Variants in RUNX1 observed in about 807,000 individuals in gnomAD.
The protein encoded by RUNX1 is RUNX family transcription factor 1, also known as runt-related transcription factor 1.
Under a neutral mutation model 42.8 loss-of-function variants are expected in RUNX1, and 19 were observed. That is an observed-to-expected ratio of 0.44 (90% confidence interval 0.31 to 0.65). RUNX1 has a LOEUF of 0.65. Among genes scored for constraint, RUNX1 ranks in the 30% least tolerant of loss-of-function variants. The pLI is 0.07. For missense variants in RUNX1, 528 were observed against 672.0 expected, an observed-to-expected ratio of 0.79 and a Z score of 2.37; for synonymous variants, 271 against 289.4, an observed-to-expected ratio of 0.94 and a Z score of 0.64.
chr21:34,798,245 A>G (rs1253263520), intron 8 of RUNX1, among the ~76,000 whole-genome samples: 4 of 152,206 alleles, frequency 2.6e-5, no homozygotes, highest in East Asian at 1.9e-4. Context: ...GTTTGCAGGC[A>G]TCATAACACT....
chr21:34,977,328 C>T (rs2834709), intron 2 of RUNX1, among the ~76,000 whole-genome samples: 64,171 of 152,070 alleles, frequency 0.42, 14,181 homozygotes, highest in East Asian at 0.55. Flanking sequence ...CTGCTATTAT[C>T]TTTCAATGAT....
intron 2 of RUNX1, among the ~76,000 whole-genome samples, chr21:35,033,271 C>T (rs570383285): frequency 6.6e-6 from 1 of 152,292 alleles, no homozygotes; most frequent in East Asian, 1.9e-4. Flanking sequence ...TGCTCAGAGT[C>T]TCTGAAAGAA....
intron 3 of RUNX1, among the ~76,000 whole-genome samples, chr21:34,890,178 C>T (rs905186135): frequency 2.6e-5 from 4 of 151,814 alleles, no homozygotes; most frequent in Non-Finnish European, 5.9e-5. Context: ...GCGGAGCTGT[C>T]GGGACGCGCC....
intron 6 of RUNX1, among the ~76,000 whole-genome samples, chr21:34,853,385 A>G (rs2057452083): frequency 6.6e-6 from 1 of 152,226 alleles, no homozygotes; most frequent in Non-Finnish European, 1.5e-5. Flanking sequence ...TATGTGACCC[A>G]GAACTTTACT....
rs2145871094 is a variant in RUNX1, at chr21:34,792,087, A to T, written c.*48T>A. The stretch of plus-strand genomic sequence containing the variant: ...GCGAACAGGAGGCCCGCGCGCCCGG[A>T]GGCGAAGGCGGCGGCCCGCGGGGCC... On this transcript the variant is annotated 3_prime_UTR_variant, in exon 9 of 9. Transcript: ENST00000675419. This position sits in a 1 kb window ranked among gnomAD's most constrained non-coding sequence, Gnocchi z 6.9. 3.3e-6 allele frequency: 4 copies of T among 1,195,912 alleles called. No homozygotes were observed. Among genetic ancestry groups the T allele is most frequent in the Non-Finnish European group, 4.3e-6 (4 of 931,460 alleles). 74.1% of individuals were successfully genotyped at this position (1,195,912 alleles called of 1,614,324 possible). A position where few individuals can be genotyped will look rare whatever the true frequency, so the allele number is the denominator to read the frequency against.
At chr21:34,917,827 G>A (rs1031031779) in intron 2 of RUNX1, among the ~76,000 whole-genome samples, 4 of 152,044 alleles carry the variant, frequency 2.6e-5, no homozygotes, top group African/African-American at 9.7e-5. Flanking sequence ...AGAATGAGAG[G>A]TTGTTATAAA....
At chr21:35,043,348 G>A (rs1306213933) in intron 2 of RUNX1, among the ~76,000 whole-genome samples, 3 of 152,164 alleles carry the variant, frequency 2.0e-5, no homozygotes, top group African/African-American at 7.2e-5. Flanking sequence ...GAGCAGGGGA[G>A]GCCGAGAAAC....
chr21:34,988,340 G>A lies in RUNX1; in HGVS notation c.58+60502C>T, dbSNP rs576834151. Among the ~76,000 whole-genome samples, 42 of 152,314 alleles carry A rather than the reference G, an allele frequency of 2.8e-4. No individual in the cohort carries two copies. In the East Asian group the frequency reaches 6.9e-3, roughly 25 times the overall value. On this transcript the variant is annotated intron_variant, in intron 2 of 8. Transcript: ENST00000675419. ...TGCTGCACTTTCGAGGACACCAGGCGTGTAGTCTCATCTTTCATCAACATT... is the reference window on the plus strand; with the variant it reads ...TGCTGCACTTTCGAGGACACCAGGCATGTAGTCTCATCTTTCATCAACATT...
intron 7 of RUNX1, among the ~76,000 whole-genome samples, chr21:34,815,408 G>C (rs1317670556): frequency 6.6e-6 from 1 of 152,226 alleles, no homozygotes; most frequent in Non-Finnish European, 1.5e-5. Flanking sequence ...TGTGGAGGAA[G>C]CACCAAGTGA....
At chr21:34,939,085 C>G (rs1435462502) in intron 2 of RUNX1, among the ~76,000 whole-genome samples, 1 of 152,150 alleles carries the variant, frequency 6.6e-6, no homozygotes, top group Non-Finnish European at 1.5e-5. Flanking sequence ...ACATACTCTG[C>G]CAGTATCTGA....
At chr21:34,895,632 A>G (rs1479844011) in intron 2 of RUNX1, among the ~76,000 whole-genome samples, 2 of 152,062 alleles carry the variant, frequency 1.3e-5, no homozygotes, top group Non-Finnish European at 2.9e-5. Context: ...CTGAATAAGC[A>G]TCATGAATAA....
In RUNX1 at chr21:34,792,315, G is replaced by GCCCCCCCC; in HGVS notation, c.1262_1263insGGGGGGGG (p.Glu422GlyfsTer175). ...GCAGGATGCGCGGCGGCGAGCGCTC[G>GCCCCCCCC]CCGCCCACCATGGAGAACTGGTAGG... is the stretch of plus-strand genomic sequence containing the variant. On this transcript the variant is annotated frameshift_variant, in exon 9 of 9. Transcript: ENST00000675419. LOFTEE classifies it high-confidence loss of function. This position sits in a 1 kb window ranked among gnomAD's most constrained non-coding sequence, Gnocchi z 6.9. 2.0e-6 allele frequency: 3 copies of GCCCCCCCC among 1,516,720 alleles called. No individual in the cohort carries two copies. Among genetic ancestry groups the GCCCCCCCC allele is most frequent in the Non-Finnish European group, 1.8e-6 (2 of 1,130,460 alleles). The allele number at this position is 1,516,720 out of a possible 1,614,324, so 94.0% of individuals were successfully genotyped here. A position where few individuals can be genotyped will look rare whatever the true frequency, so the allele number is the denominator to read the frequency against.
intron 5 of RUNX1, among the ~76,000 whole-genome samples, chr21:34,865,319 T>C (rs1298474285): frequency 7.0e-6 from 1 of 142,354 alleles, no homozygotes; most frequent in Non-Finnish European, 1.5e-5. Context: ...TGTGTGTGTG[T>C]GTGTGTTCAG....
intron 6 of RUNX1, among the ~76,000 whole-genome samples, chr21:34,846,124 A>T (rs1465501893): frequency 6.6e-6 from 1 of 150,758 alleles, no homozygotes; most frequent in Non-Finnish European, 1.5e-5. Context: ...AAGGTCTCTG[A>T]CCAGCCAGCT....
chr21:34,878,046 G>T (rs2057839560), intron 5 of RUNX1, among the ~76,000 whole-genome samples: 1 of 151,948 alleles, frequency 6.6e-6, no homozygotes, highest in Non-Finnish European at 1.5e-5. Flanking sequence ...TGAGACAGTT[G>T]TCTTAAGATC....
intron 2 of RUNX1, among the ~76,000 whole-genome samples, chr21:34,993,804 G>GAC (rs760635752): frequency 7.3e-4 from 66 of 90,632 alleles, no homozygotes; most frequent in Middle Eastern, 8.1e-3. Flanking sequence ...CACACACACA[G>GAC]ACACACACAC....
intron 2 of RUNX1, among the ~76,000 whole-genome samples, chr21:35,011,665 C>T (rs2059127478): frequency 6.6e-6 from 1 of 152,158 alleles, no homozygotes; most frequent in Admixed American, 6.5e-5. Flanking sequence ...TGGAATTGAT[C>T]CCATCCATGT....
chr21:34,987,282 A>G (rs1233404166), intron 2 of RUNX1, among the ~76,000 whole-genome samples: 1 of 152,198 alleles, frequency 6.6e-6, no homozygotes, highest in Non-Finnish European at 1.5e-5. Flanking sequence ...TCAGTGACTT[A>G]GCAAGAACAG....
chr21:34,965,257 TAC>T (rs1407882955), intron 2 of RUNX1, among the ~76,000 whole-genome samples: 1 of 151,554 alleles, frequency 6.6e-6, no homozygotes, highest in Non-Finnish European at 1.5e-5. Flanking sequence ...TCCACACATC[TAC>T]ACACACAGAT....
Sources: allele counts gnomAD v4.1 joint callset (sites outside exome capture counted in the v4.1 genomes callset), GRCh38; gene constraint gnomAD v4.1.1; non-coding constraint Gnocchi (gnomAD v3.1); transcripts MANE v1.5; gene names NCBI Gene and HGNC (gene_info 2026-07-23, HGNC 2026-07-21).